Variants in CFAP20DC observed in about 807,000 individuals in gnomAD.
The protein encoded by CFAP20DC is protein CFAP20DC.
In CFAP20DC, 84 loss-of-function variants were observed where a neutral mutation model predicts 101.7. That is an observed-to-expected ratio of 0.83 (90% confidence interval 0.69 to 0.99). CFAP20DC has a LOEUF of 0.99. CFAP20DC is among the 50% of genes least tolerant of loss of function. The probability of loss-of-function intolerance (pLI) is 0.00; values close to 1 mark genes in which losing one functional copy is unlikely to be tolerated. For synonymous variants in CFAP20DC, 359 were observed against 351.2 expected (o/e 1.02, Z -0.25); for missense variants, 1,007 against 970.3 (o/e 1.04, Z -0.50).
intron 4 of CFAP20DC, among the ~76,000 whole-genome samples, chr3:58,970,979 A>G (rs1300651547): frequency 6.6e-6 from 1 of 152,178 alleles, no homozygotes; most frequent in African/African-American, 2.4e-5. Context: ...CTAGCATAAA[A>G]GTGAGAATTC....
At position 58,728,440 on chromosome 3, in the gene CFAP20DC, C is replaced by A. The variant is rs2067587099; in HGVS notation, c.198-10812G>T. On this transcript the variant is annotated intron_variant, in intron 3 of 3. Transcript: ENST00000486145. The surrounding 1 kb of genome is among the most constrained non-coding windows in gnomAD (Gnocchi z 4.7). Reference sequence around the variant, plus strand: ...ATTTTGATGTTTGTGTTATTCAGACCTTTACGTGATTTGTAAAAACTTCAC... The same window carrying A: ...ATTTTGATGTTTGTGTTATTCAGACATTTACGTGATTTGTAAAAACTTCAC... Among the ~76,000 whole-genome samples the A allele has an allele frequency of 6.6e-6, 1 of 152,100 alleles. No individual in the cohort carries two copies. Among genetic ancestry groups the A allele is most frequent in the Admixed American group, 6.5e-5 (1 of 15,274 alleles).
At chr3:58,838,272 T>A (rs1223615349) in intron 13 of CFAP20DC, among the ~76,000 whole-genome samples, 1 of 152,102 alleles carries the variant, frequency 6.6e-6, no homozygotes, top group Non-Finnish European at 1.5e-5. Flanking sequence ...GAATCAGGAG[T>A]TAGGCCATAA....
rs1285011770 is a variant in CFAP20DC at position 59,049,995 on chromosome 3, C to T, written c.-364G>A. The T allele has an allele frequency of 1.2e-5, 3 of 245,628 alleles. No individual in the cohort carries two copies. The highest frequency in any genetic ancestry group is 9.9e-5 in the Admixed American group (2 of 20,152). The allele number at this position is 245,628 out of a possible 1,614,324, so 15.2% of individuals were successfully genotyped here. A position where few individuals can be genotyped will look rare whatever the true frequency, so the allele number is the denominator to read the frequency against. ...CGCCCGCTGGCCTAGGAAAAGCGGG[C>T]GCGCTCCCGCTGCCGCCCCACCCCA... On this transcript the variant is annotated 5_prime_UTR_variant, in exon 1 of 17. Transcript: ENST00000482387.
chr3:58,933,978 C>A (rs1212253266), intron 5 of CFAP20DC, among the ~76,000 whole-genome samples: 1 of 151,888 alleles, frequency 6.6e-6, no homozygotes, highest in Non-Finnish European at 1.5e-5. Flanking sequence ...TTAATGAATC[C>A]AGGAGCTGGT....
chr3:58,766,776 A>G (rs561742870), intron 15 of CFAP20DC, among the ~76,000 whole-genome samples: 5 of 152,168 alleles, frequency 3.3e-5, no homozygotes, highest in Non-Finnish European at 5.9e-5. Flanking sequence ...GCTCCCTACC[A>G]TCACTGGGCC....
intron 4 of CFAP20DC, among the ~76,000 whole-genome samples, chr3:59,020,470 T>C (rs1263268800): frequency 6.6e-6 from 1 of 152,070 alleles, no homozygotes; most frequent in Non-Finnish European, 1.5e-5. Flanking sequence ...CTCATATATA[T>C]TTGTTAAGTT....
At chr3:59,028,244 G>C (rs1039631119) in intron 4 of CFAP20DC, among the ~76,000 whole-genome samples, 1 of 152,158 alleles carries the variant, frequency 6.6e-6, no homozygotes, top group African/African-American at 2.4e-5. Flanking sequence ...CAATAAAGAA[G>C]AGTTAAAGTT....
At chr3:58,762,474 G>A (rs1575578943) in intron 15 of CFAP20DC, among the ~76,000 whole-genome samples, 1 of 152,082 alleles carries the variant, frequency 6.6e-6, no homozygotes, top group African/African-American at 2.4e-5. Flanking sequence ...ACACTGATGG[G>A]TCTTGACTCT....
Position 58,729,706 on chromosome 3 carries a change from C to A in CFAP20DC, c.198-12078G>T, listed in dbSNP as rs1456381312. On this transcript the variant is annotated intron_variant, in intron 3 of 3. Transcript: ENST00000486145. This position sits in a 1 kb window ranked among gnomAD's most constrained non-coding sequence, Gnocchi z 4.4. ...TTCCCAATGCAAGGCCTGGTCTATA[C>A]CAAATTAGTCTGCTATTATTGAAAG... Among the ~76,000 whole-genome samples, 1 of 152,000 alleles carries A rather than the reference C, an allele frequency of 6.6e-6. No homozygotes were observed. The highest frequency in any genetic ancestry group is 1.5e-5 in the Non-Finnish European group (1 of 67,994).
chr3:58,996,177 A>T (rs1252031182), intron 4 of CFAP20DC, among the ~76,000 whole-genome samples: 1 of 152,174 alleles, frequency 6.6e-6, no homozygotes, highest in Non-Finnish European at 1.5e-5. Context: ...AGTAAACAAC[A>T]GGCATAGTTT....
At chr3:58,719,176 G>C (rs2067435821) in intron 3 of CFAP20DC, among the ~76,000 whole-genome samples, 1 of 152,204 alleles carries the variant, frequency 6.6e-6, no homozygotes, top group South Asian at 2.1e-4. Flanking sequence ...TGGGGAGGTA[G>C]AGACTGCAAT....
chr3:58,743,116 T>C (rs539477336), intron 16 of CFAP20DC, among the ~76,000 whole-genome samples: 20 of 152,234 alleles, frequency 1.3e-4, no homozygotes, highest in Non-Finnish European at 2.4e-4. Flanking sequence ...GATTTGTAGT[T>C]TTATTAGTGG....
intron 4 of CFAP20DC, among the ~76,000 whole-genome samples, chr3:58,986,298 T>G (rs151171594): frequency 6.6e-6 from 1 of 152,128 alleles, no homozygotes; most frequent in Non-Finnish European, 1.5e-5. Flanking sequence ...CTAGCCTAAA[T>G]GTATACAGGA....
chr3:58,784,617 G>C (rs1216534954), intron 15 of CFAP20DC, among the ~76,000 whole-genome samples: 1 of 152,062 alleles, frequency 6.6e-6, no homozygotes, highest in East Asian at 1.9e-4. Context: ...GAATAGTGCT[G>C]TGATGAACAT....
At chr3:58,804,266 T>C (rs994647183) in intron 15 of CFAP20DC, among the ~76,000 whole-genome samples, 2 of 152,198 alleles carry the variant, frequency 1.3e-5, no homozygotes, top group Non-Finnish European at 2.9e-5. Context: ...AGAATTAGGA[T>C]GAGAATTAGG....
intron 4 of CFAP20DC, among the ~76,000 whole-genome samples, chr3:58,938,504 C>T (rs543054762): frequency 2.6e-5 from 4 of 152,252 alleles, no homozygotes; most frequent in African/African-American, 9.6e-5. Context: ...AGAATTGATG[C>T]TTCTTTAAAA....
At chr3:58,760,435 C>T (rs1248769560) in intron 15 of CFAP20DC, among the ~76,000 whole-genome samples, 1 of 152,166 alleles carries the variant, frequency 6.6e-6, no homozygotes, top group Non-Finnish European at 1.5e-5. Flanking sequence ...AGATTTTGGG[C>T]TGAGATGATG....
At chr3:58,848,462 T>C (rs898190963) in intron 13 of CFAP20DC, among the ~76,000 whole-genome samples, 1 of 152,100 alleles carries the variant, frequency 6.6e-6, no homozygotes, top group Non-Finnish European at 1.5e-5. Context: ...GTGCAGCTTA[T>C]AGGGGAATTG....
At chr3:58,983,429 T>C (rs2092648917) in intron 4 of CFAP20DC, among the ~76,000 whole-genome samples, 1 of 152,204 alleles carries the variant, frequency 6.6e-6, no homozygotes, top group Non-Finnish European at 1.5e-5. Context: ...ACATGTTTTT[T>C]TAAAGCACGA....
Sources: allele counts gnomAD v4.1 joint callset (sites outside exome capture counted in the v4.1 genomes callset), GRCh38; gene constraint gnomAD v4.1.1; non-coding constraint Gnocchi (gnomAD v3.1); transcripts MANE v1.5; gene names NCBI Gene and HGNC (gene_info 2026-07-23, HGNC 2026-07-21).